The following CPPED1 variants were observed in gnomAD, a reference collection of about 807,000 sequenced individuals.
CPPED1 encodes the protein serine/threonine-protein phosphatase CPPED1.
A neutral mutation model predicts 28.0 loss-of-function variants in CPPED1; 28 were observed. That is an observed-to-expected ratio of 1.00 (90% CI 0.74 to 1.37). CPPED1 has a LOEUF of 1.37. Among genes scored for constraint, CPPED1 ranks in the 40% most tolerant of loss-of-function variants. The pLI, the probability that CPPED1 is intolerant of heterozygous loss-of-function variation, is 0.00. For missense variants in CPPED1, 504 were observed against 416.5 expected (o/e 1.21, Z -1.83); for synonymous variants, 198 against 180.2 (o/e 1.10, Z -0.79).
At chr16:12,707,559 A>C (rs2080058130) in intron 2 of CPPED1, among the ~76,000 whole-genome samples, 1 of 152,180 alleles carries the variant, frequency 6.6e-6, no homozygotes, top group South Asian at 2.1e-4. Context: ...TGATTTTCAA[A>C]GTCATTAAGT....
At chr16:12,669,756 T>A (rs2079844312) in intron 3 of CPPED1, among the ~76,000 whole-genome samples, 1 of 152,142 alleles carries the variant, frequency 6.6e-6, no homozygotes, top group African/African-American at 2.4e-5. Flanking sequence ...TAGTAAGGAT[T>A]CTCTAATAAA....
intron 2 of CPPED1, among the ~76,000 whole-genome samples, chr16:12,764,261 T>C (rs1596476583): frequency 6.6e-6 from 1 of 151,880 alleles, no homozygotes; most frequent in South Asian, 2.1e-4. Context: ...CAGAGTGCAG[T>C]GGTGCGATCT....
intron 2 of CPPED1, among the ~76,000 whole-genome samples, chr16:12,765,593 A>C (rs1041011827): frequency 2.0e-5 from 3 of 152,248 alleles, no homozygotes; most frequent in Non-Finnish European, 4.4e-5. Context: ...ATTTCTTCAC[A>C]AGAATATTTA....
chr16:12,723,979 G>A (rs1375150458), intron 2 of CPPED1, among the ~76,000 whole-genome samples: 4 of 152,034 alleles, frequency 2.6e-5, no homozygotes, highest in African/African-American at 7.3e-5. Flanking sequence ...CATGTCTTGG[G>A]GATCACACTT....
intron 3 of CPPED1, among the ~76,000 whole-genome samples, chr16:12,695,508 C>T (rs1307741867): frequency 6.6e-6 from 1 of 152,130 alleles, no homozygotes; most frequent in African/African-American, 2.4e-5. Flanking sequence ...TAGGATCAAG[C>T]GATCCTCCTA....
intron 1 of CPPED1, among the ~76,000 whole-genome samples, chr16:12,791,115 G>C (rs1014113296): frequency 6.6e-6 from 1 of 151,164 alleles, no homozygotes; most frequent in Non-Finnish European, 1.5e-5. Flanking sequence ...TTGTTACATA[G>C]GTATACATGT....
chr16:12,759,692 C>T (rs572001899), intron 2 of CPPED1, among the ~76,000 whole-genome samples: 3 of 152,280 alleles, frequency 2.0e-5, no homozygotes, highest in Non-Finnish European at 4.4e-5. Flanking sequence ...CATGACAGTG[C>T]GTGAGTTCTC....
intron 2 of CPPED1, among the ~76,000 whole-genome samples, chr16:12,721,319 G>C (rs981549749): frequency 1.3e-5 from 2 of 152,192 alleles, no homozygotes; most frequent in African/African-American, 2.4e-5. Context: ...GAAGGAAACT[G>C]CTGCAAAGTA....
At chr16:12,765,110 T>C (rs2080431417) in intron 2 of CPPED1, among the ~76,000 whole-genome samples, 1 of 152,228 alleles carries the variant, frequency 6.6e-6, no homozygotes, top group Non-Finnish European at 1.5e-5. Context: ...ATTAAACACA[T>C]TTACTTTCAT....
At chr16:12,702,913 G>C (rs552200246) in intron 3 of CPPED1, among the ~76,000 whole-genome samples, 1 of 151,484 alleles carries the variant, frequency 6.6e-6, no homozygotes, top group South Asian at 2.1e-4. Context: ...TCAGCAGTCT[G>C]AGGCAGAAAA....
In CPPED1 at chr16:12,665,087, G is replaced by A. The variant is rs749904248; in HGVS notation, c.744C>T (p.Tyr248=). 7 of 1,603,508 alleles carry A rather than the reference G, an allele frequency of 4.4e-6. No homozygotes were observed. Among genetic ancestry groups the A allele is most frequent in the Non-Finnish European group, 5.9e-6 (7 of 1,177,148 alleles). Residue 248 remains tyrosine (Y), a synonymous_variant, in exon 4 of 4, where the codon TAC becomes TAT. Transcript: ENST00000381774. The stretch of plus-strand genomic sequence containing the variant: ...GGTAGGTACCCCCGGCATTCCTGTG[G>A]TAGTGGCCTGAGAACACGACTTTGA... The part of the protein sequence containing the change: ...AGVKVVFSGH[Y]HRNAGGTYQN...
In CPPED1 at chr16:12,803,748, A is replaced by G; in HGVS notation, c.29T>C (p.Phe10Ser). Residue 10 changes from phenylalanine (F) to serine (S), a missense_variant, in exon 1 of 4, where the codon TTC (phenylalanine) becomes TCC (serine). Transcript: ENST00000381774. ...CAGGGTCCTGCCCCTGGCTCTGTGGAAAACACCCCCCGCCTCTGCAGCCGA... is the reference window on the plus strand; with the variant it reads ...CAGGGTCCTGCCCCTGGCTCTGTGGGAAACACCCCCCGCCTCTGCAGCCGA... MSAAEAGGV[F>S]HRARGRTLAA... The G allele has an allele frequency of 6.3e-7, 1 of 1,597,224 alleles. No individual in the cohort carries two copies. The highest frequency in any genetic ancestry group is 8.5e-7 in the Non-Finnish European group (1 of 1,173,186).
chr16:12,765,368 T>C (rs2080432506), intron 2 of CPPED1, among the ~76,000 whole-genome samples: 1 of 152,256 alleles, frequency 6.6e-6, no homozygotes, highest in Non-Finnish European at 1.5e-5. Flanking sequence ...CAGCTGATTA[T>C]GCTGGCTGCT....
At chr16:12,782,796 G>A (rs1166953756) in intron 1 of CPPED1, among the ~76,000 whole-genome samples, 2 of 151,936 alleles carry the variant, frequency 1.3e-5, no homozygotes, top group South Asian at 2.1e-4. Context: ...GCTTGAACCC[G>A]GAAGGCGGAG....
chr16:12,705,047 T>C lies in CPPED1; in HGVS notation c.292A>G (p.Lys98Glu). 5 of 1,605,144 alleles carry C rather than the reference T, an allele frequency of 3.1e-6. No individual in the cohort carries two copies. Among genetic ancestry groups the C allele is most frequent in the Admixed American group, 1.7e-5 (1 of 59,724 alleles). ...TCCGTCTGCTCCGTCCGCCACGGCT[T>C]CCCTGGAAGAGTGAGGGTCACGTCC... ...CGDLIHAMPG[K>E]PWRTEQTEDL... The change falls in exon 3 of 4, where the codon AAG (lysine) becomes GAG (glutamate). Residue 98 changes from lysine to glutamate, a missense_variant and splice_region_variant. Coordinates refer to ENST00000381774, the MANE Select transcript of CPPED1 (RefSeq NM_018340.3).
chr16:12,790,647 G>A (rs1037799277), intron 1 of CPPED1, among the ~76,000 whole-genome samples: 8 of 152,074 alleles, frequency 5.3e-5, no homozygotes, highest in Admixed American at 3.3e-4. Context: ...TTGGCCGGTC[G>A]CGGTGGCTCA....
At chr16:12,786,330 C>T (rs1171656151) in intron 1 of CPPED1, among the ~76,000 whole-genome samples, 1 of 152,210 alleles carries the variant, frequency 6.6e-6, no homozygotes. Context: ...TACAACTAAC[C>T]AAGGAACTCG....
intron 3 of CPPED1, among the ~76,000 whole-genome samples, chr16:12,688,242 T>C (rs2079943621): frequency 6.6e-6 from 1 of 151,362 alleles, no homozygotes; most frequent in South Asian, 2.1e-4. Context: ...GAAAGCAAAG[T>C]ACTTGCACAT....
At chr16:12,754,454 A>AATT (rs2141221186) in intron 2 of CPPED1, among the ~76,000 whole-genome samples, 1 of 152,326 alleles carries the variant, frequency 6.6e-6, no homozygotes, top group South Asian at 2.1e-4. Flanking sequence ...CACTCAGGGA[A>AATT]GGGGGGCCCA....
Sources: allele counts gnomAD v4.1 joint callset (sites outside exome capture counted in the v4.1 genomes callset), GRCh38; gene constraint gnomAD v4.1.1; transcripts MANE v1.5; gene names NCBI Gene and HGNC (gene_info 2026-07-23, HGNC 2026-07-21).